ARHGAP1: variants seen among roughly 807,000 people sequenced by gnomAD.
The protein encoded by ARHGAP1 is Rho GTPase activating protein 1.
ARHGAP1 carries 23 observed loss-of-function variants against 52.2 expected under a neutral mutation model. The ratio of observed to expected loss-of-function variants is 0.44; its 90% CI spans 0.32 to 0.62. ARHGAP1 has a LOEUF of 0.62. ARHGAP1 is among the 20% of genes least tolerant of loss of function. ARHGAP1 has a pLI of 0.05. For missense variants in ARHGAP1, 480 were observed against 560.9 expected (o/e 0.86, Z 1.46); for synonymous variants, 210 against 228.4 (o/e 0.92, Z 0.73).
At chr11:46,693,689 C>T (rs879438838) in intron 3 of ARHGAP1, among the ~76,000 whole-genome samples, 9 of 152,148 alleles carry the variant, frequency 5.9e-5, no homozygotes, top group Non-Finnish European at 1.3e-4. Context: ...TCTGGGCCCC[C>T]TCAAACCAGC....
intron 3 of ARHGAP1, among the ~76,000 whole-genome samples, chr11:46,691,640 C>T (rs760476532): frequency 6.6e-6 from 1 of 151,914 alleles, no homozygotes; most frequent in Non-Finnish European, 1.5e-5. Context: ...TTAGTAGAGA[C>T]GGGGTTTCAC....
rs779455505 is a variant in ARHGAP1 at position 46,680,681 on chromosome 11, C to G, written c.702G>C (p.Arg234=). 1.9e-6 allele frequency: 3 copies of G among 1,604,562 alleles called. No homozygotes were observed. Among genetic ancestry groups the G allele is most frequent in the East Asian group, 2.2e-5 (1 of 44,778 alleles). The change falls in exon 8 of 13, where the codon CGG becomes CGC. Residue 234 remains arginine, a synonymous_variant. Transcript: ENST00000311956. The surrounding 1 kb of genome is among the most constrained non-coding windows in gnomAD (Gnocchi z 5.9). Reference sequence around the variant, plus strand: ...CAAACTGCTGGTTGGGCAGGGGGGGCCGTGGGGGCATGGGCTTGGGGGCTG... The same window carrying G: ...CAAACTGCTGGTTGGGCAGGGGGGGGCGTGGGGGCATGGGCTTGGGGGCTG... ...PATAPKPMPP[R]PPLPNQQFGV... is the part of the protein sequence containing the mutation.
chr11:46,679,109 G>GATGGGATTA lies in ARHGAP1; in HGVS notation c.1239_1247dup (p.Pro415_Asn417dup). ...CCAGAAGGAACTTGGTGAAGGTGTT[G>GATGGGATTA]ATGGGATTAATGGCCTTGAGGGTGA... On this transcript the variant is annotated inframe_insertion, in exon 13 of 13. Transcript: ENST00000311956. The surrounding 1 kb of genome is among the most constrained non-coding windows in gnomAD (Gnocchi z 4.4). 6.2e-7 allele frequency: 1 copy of GATGGGATTA among 1,614,222 alleles called. No homozygotes were observed. The highest frequency in any genetic ancestry group is 8.5e-7 in the Non-Finnish European group (1 of 1,180,016).
At chr11:46,688,303 C>G in intron 3 of ARHGAP1, 43 bp from the exon 4 acceptor site, 1 of 1,573,604 alleles carries the variant, frequency 6.4e-7, no homozygotes, top group African/African-American at 1.3e-5. Context: ...TGAAGGGGAA[C>G]CAAAAGAAGT....
intron 3 of ARHGAP1, chr11:46,695,210 G>A: frequency 2.9e-6 from 1 of 346,476 alleles, no homozygotes. Context: ...GGAGCCATGT[G>A]CCCCCTCCCC....
At chr11:46,699,874 T>G (rs1186271713) in intron 1 of ARHGAP1, among the ~76,000 whole-genome samples, 4 of 151,148 alleles carry the variant, frequency 2.6e-5, no homozygotes, top group African/African-American at 7.3e-5. Context: ...TTTCACAGAT[T>G]AAGAAGTTGA....
Position 46,696,273 on chromosome 11 carries a change from C to G in ARHGAP1, c.-49-117G>C. ...CTCTCCCAGGCTCCCTGTCCCTATT[C>G]CTCAACACTCCTCATCCCCGCCAAG... On this transcript the variant is annotated intron_variant, in intron 1 of 12. Coordinates refer to ENST00000311956, the MANE Select transcript of ARHGAP1 (RefSeq NM_004308.5). The surrounding 1 kb of genome is among the most constrained non-coding windows in gnomAD (Gnocchi z 4.8). The G allele has an allele frequency of 1.5e-6, 1 of 656,914 alleles. No individual in the cohort carries two copies. The highest frequency in any genetic ancestry group is 2.6e-6 in the Non-Finnish European group (1 of 390,914). 40.7% of individuals were successfully genotyped at this position (656,914 alleles called of 1,614,324 possible).
At chr11:46,699,796 A>T (rs2064687272) in intron 1 of ARHGAP1, among the ~76,000 whole-genome samples, 1 of 152,136 alleles carries the variant, frequency 6.6e-6, no homozygotes, top group Non-Finnish European at 1.5e-5. Context: ...TACAACTCTC[A>T]ACTACAATTA....
chr11:46,693,455 G>C (rs536886409), intron 3 of ARHGAP1, among the ~76,000 whole-genome samples: 2 of 151,568 alleles, frequency 1.3e-5, no homozygotes. Flanking sequence ...ACCCAGGCTG[G>C]AGTGCAGTGG....
chr11:46,689,416 G>A (rs527841660), intron 3 of ARHGAP1, among the ~76,000 whole-genome samples: 1 of 152,208 alleles, frequency 6.6e-6, no homozygotes, highest in South Asian at 2.1e-4. Context: ...GGGTATGGGT[G>A]GTGAAAATGT....
intron 1 of ARHGAP1, among the ~76,000 whole-genome samples, chr11:46,698,669 C>A (rs907939053): frequency 6.6e-6 from 1 of 151,860 alleles, no homozygotes; most frequent in Admixed American, 6.6e-5. Context: ...GAGAAGGACA[C>A]CATCTAAAAG....
intron 4 of ARHGAP1, 174 bp downstream of exon 4, chr11:46,687,999 A>T: frequency 1.7e-6 from 1 of 590,204 alleles, no homozygotes; most frequent in South Asian, 2.5e-5. Context: ...ACTAGGTCTG[A>T]CTCCTCGTCC....
chr11:46,695,644 T>C lies in ARHGAP1; in HGVS notation c.229+16A>G, dbSNP rs1325969931. On this transcript the variant is annotated intron_variant, in intron 3 of 12. Transcript: ENST00000311956. ...GGAGCTCTGAGGGTTAGGAAAATAGTGTTGGGTGTGCTTACCTGCCACCTC... is the reference window on the plus strand; with the variant it reads ...GGAGCTCTGAGGGTTAGGAAAATAGCGTTGGGTGTGCTTACCTGCCACCTC... 12 of 1,550,544 alleles carry C rather than the reference T, an allele frequency of 7.7e-6. No homozygotes were observed. Among genetic ancestry groups the C allele is most frequent in the South Asian group, 1.2e-5 (1 of 84,044 alleles).
At position 46,681,019 on chromosome 11, in the gene ARHGAP1, T is replaced by G. The variant is rs747255016; in HGVS notation, c.627A>C (p.Gln209His). The stretch of plus-strand genomic sequence containing the variant: ...CGCCGCACCCGCCTCACTTGAGCAC[T>G]TGGCGAGGGATCCCCAGCTGCTCCA... ...VKLEQLGIPR[Q>H]VLKYDDFLKS... is the part of the protein sequence containing the mutation. The change falls in exon 7 of 13, where the codon CAA becomes CAC. Residue 209 changes from glutamine (Q) to histidine (H), a missense_variant. Transcript: ENST00000311956. The surrounding 1 kb of genome is among the most constrained non-coding windows in gnomAD (Gnocchi z 5.7). 2 of 1,613,910 alleles carry G rather than the reference T, an allele frequency of 1.2e-6. No individual in the cohort carries two copies. The highest frequency in any genetic ancestry group is 1.7e-6 in the Non-Finnish European group (2 of 1,179,976).
In ARHGAP1 at chr11:46,681,384, A is replaced by G; in HGVS notation, c.450-5T>C. 1 of 1,601,718 alleles carries G rather than the reference A, an allele frequency of 6.2e-7. No homozygotes were observed. Among genetic ancestry groups the G allele is most frequent in the Non-Finnish European group, 8.6e-7 (1 of 1,168,776 alleles). ...GCCTTGATGTTTTTCTTGTACCTGC[A>G]GAGACAGAATGGACAACTCAGGAGC... On this transcript the variant is annotated splice_region_variant and splice_polypyrimidine_tract_variant and intron_variant, in intron 5 of 12. Transcript: ENST00000311956. This position sits in a 1 kb window ranked among gnomAD's most constrained non-coding sequence, Gnocchi z 5.7.
rs375501831 is a variant in ARHGAP1, at chr11:46,696,912, C to A, written c.-49-756G>T. On this transcript the variant is annotated intron_variant, in intron 1 of 12. Transcript: ENST00000311956. This position sits in a 1 kb window ranked among gnomAD's most constrained non-coding sequence, Gnocchi z 4.8. The stretch of plus-strand genomic sequence containing the variant: ...AAAATAAAAGCTATGGCTGAGGGGC[C>A]CAGCTGGGCTTGCTCCAGGACAGGA... 1 of 152,146 alleles carries A rather than the reference C, an allele frequency of 6.6e-6. No homozygotes were observed. Among genetic ancestry groups the A allele is most frequent in the Non-Finnish European group, 1.5e-5 (1 of 68,060 alleles). 9.4% of individuals were successfully genotyped at this position (152,146 alleles called of 1,614,324 possible). A position where few individuals can be genotyped will look rare whatever the true frequency, so the allele number is the denominator to read the frequency against.
chr11:46,680,242 G>T lies in ARHGAP1; in HGVS notation c.861C>A (p.Thr287=), dbSNP rs750844719. The T allele has an allele frequency of 1.2e-6, 2 of 1,614,014 alleles. No individual in the cohort carries two copies. Among genetic ancestry groups the T allele is most frequent in the Admixed American group, 3.3e-5 (2 of 60,000 alleles). The change falls in exon 10 of 13, where the codon ACC becomes ACA. Residue 287 remains threonine (T), a synonymous_variant. Coordinates refer to ENST00000311956, the MANE Select transcript of ARHGAP1 (RefSeq NM_004308.5). The surrounding 1 kb of genome is among the most constrained non-coding windows in gnomAD (Gnocchi z 5.9). ...TEGIFRRSAN[T]QVVREVQQKY... is the part of the protein sequence containing the mutation. ...TCTGCTGCACTTCCCGGACCACTTGGGTGTTGGCCGACCTCCGGAAGATGC... is the reference window on the plus strand; with the variant it reads ...TCTGCTGCACTTCCCGGACCACTTGTGTGTTGGCCGACCTCCGGAAGATGC...
chr11:46,693,194 C>G (rs559463744), intron 3 of ARHGAP1, among the ~76,000 whole-genome samples: 1 of 151,938 alleles, frequency 6.6e-6, no homozygotes, highest in East Asian at 1.9e-4. Flanking sequence ...GACGGGGTTT[C>G]TCCGTGTTCA....
In ARHGAP1 at chr11:46,681,548, C is replaced by T; in HGVS notation, c.450-169G>A. ...TCCCGGATTCAAGCTATTCTCCTGC[C>T]TCAGCCTCCTGAGTAACTAGGATTA... is the stretch of plus-strand genomic sequence containing the variant. On this transcript the variant is annotated intron_variant, in intron 5 of 12. Coordinates refer to ENST00000311956, the MANE Select transcript of ARHGAP1 (RefSeq NM_004308.5). This position sits in a 1 kb window ranked among gnomAD's most constrained non-coding sequence, Gnocchi z 5.7. The T allele has an allele frequency of 1.7e-6, 1 of 582,454 alleles. No homozygotes were observed. The highest frequency in any genetic ancestry group is 3.1e-6 in the Non-Finnish European group (1 of 322,204). 36.1% of individuals were successfully genotyped at this position (582,454 alleles called of 1,614,324 possible).
Sources: allele counts gnomAD v4.1 joint callset (sites outside exome capture counted in the v4.1 genomes callset), GRCh38; gene constraint gnomAD v4.1.1; non-coding constraint Gnocchi (gnomAD v3.1); transcripts MANE v1.5; gene names NCBI Gene and HGNC (gene_info 2026-07-23, HGNC 2026-07-21).